SEPTIN2: variants seen among roughly 807,000 people sequenced by gnomAD.
The protein encoded by SEPTIN2 is septin-2.
SEPTIN2 carries 34 observed loss-of-function variants against 46.5 expected under a neutral mutation model. The ratio of observed to expected loss-of-function variants is 0.73; its 90% CI spans 0.56 to 0.97. The LOEUF (loss-of-function observed/expected upper bound fraction) is 0.97. SEPTIN2 is among the 50% of genes least tolerant of loss of function. SEPTIN2 has a pLI of 0.00. For missense variants in SEPTIN2, 347 were observed against 448.4 expected (o/e 0.77, Z 2.04); for synonymous variants, 175 against 153.4 (o/e 1.14, Z -1.04).
chr2:241,321,677 C>T (rs2077154172), intron 1 of SEPTIN2, among the ~76,000 whole-genome samples: 1 of 151,724 alleles, frequency 6.6e-6, no homozygotes. Flanking sequence ...TGAATTTTGT[C>T]CCCATTGTCT....
Position 241,326,100 on chromosome 2 carries a change from A to G in SEPTIN2, c.117A>G (p.Thr39=), listed in dbSNP as rs1365011174. The change falls in exon 3 of 13, where the codon ACA becomes ACG. Residue 39 remains threonine, a synonymous_variant. Transcript: ENST00000391971. The part of the protein sequence containing the change: ...RKSVKKGFEF[T]LMVVGESGLG... ...CAGTGAAAAAAGGTTTTGAGTTCAC[A>G]CTGATGGTGGTCGGTAAGAAATTAA... The G allele has an allele frequency of 1.2e-6, 2 of 1,612,522 alleles. No individual in the cohort carries two copies. Among genetic ancestry groups the G allele is most frequent in the South Asian group, 1.1e-5 (1 of 90,674 alleles).
chr2:241,336,235 A>G, intron 5 of SEPTIN2, 137 bp downstream of exon 5: 1 of 933,246 alleles, frequency 1.1e-6, no homozygotes, highest in Non-Finnish European at 1.6e-6. Flanking sequence ...AAAGCGTGTT[A>G]AATGTTGACT....
Position 241,332,029 on chromosome 2 carries a change from G to A in SEPTIN2, c.131-3097G>A, listed in dbSNP as rs565043416. 8.9e-4 allele frequency among the ~76,000 whole-genome samples: 136 copies of A among 152,212 alleles called. 1 individual carries two copies. The highest frequency in any genetic ancestry group is 2.5e-4 in the Non-Finnish European group (17 of 68,000). On this transcript the variant is annotated intron_variant, in intron 3 of 12. Coordinates refer to ENST00000391971, the MANE Select transcript of SEPTIN2 (RefSeq NM_004404.5). ...ACTAGATGATTATGTGTGAAAAAAT[G>A]AACTTCAACTCCTGCTTCACACTGT...
rs2076318236 is a variant in SEPTIN2, at chr2:241,316,619, G to A, written c.-18+637G>A. ...GGCCGCCGAGTTGGCCCGGGGATGA[G>A]GAGCAAACCTGTGGCTTCCGTGGTC... is the stretch of plus-strand genomic sequence containing the variant. On this transcript the variant is annotated intron_variant, in intron 1 of 12. Coordinates refer to ENST00000391971, the MANE Select transcript of SEPTIN2 (RefSeq NM_004404.5). The A allele has an allele frequency of 7.3e-6, 9 of 1,229,960 alleles. 1 individual carries two copies. Among genetic ancestry groups the A allele is most frequent in the African/African-American group, 1.6e-5 (1 of 64,170 alleles). The allele number at this position is 1,229,960 out of a possible 1,614,324, so 76.2% of individuals were successfully genotyped here. A position where few individuals can be genotyped will look rare whatever the true frequency, so the allele number is the denominator to read the frequency against.
At chr2:241,335,090 A>G (rs761955694) in intron 3 of SEPTIN2, 36 bp from the exon 4 acceptor site, 1 of 1,435,256 alleles carries the variant, frequency 7.0e-7, no homozygotes, top group Non-Finnish European at 9.8e-7. Flanking sequence ...TGTCATATGA[A>G]TAAGGTCATG....
Position 241,339,025 on chromosome 2 carries a change from T to C in SEPTIN2, c.594+1235T>C, listed in dbSNP as rs865891488. On this transcript the variant is annotated intron_variant, in intron 7 of 12. Coordinates refer to ENST00000391971, the MANE Select transcript of SEPTIN2 (RefSeq NM_004404.5). ...ATAAATATTATATTTATACATTATA[T>C]TTATATACATATTATATATACATTT... Among the ~76,000 whole-genome samples the C allele has an allele frequency of 1.3e-3, 159 of 118,064 alleles. 1 individual carries two copies. The highest frequency in any genetic ancestry group is 8.1e-3 in the Middle Eastern group (2 of 246). 77.5% of individuals were successfully genotyped at this position (118,064 alleles called of 152,430 possible).
At chr2:241,337,876 C>G in intron 7 of SEPTIN2, 86 bp downstream of exon 7, 1 of 913,508 alleles carries the variant, frequency 1.1e-6, no homozygotes. Context: ...CACGCTCAGT[C>G]TGCTCAGGTG....
chr2:241,345,747 T>C (rs2060170795), intron 9 of SEPTIN2, among the ~76,000 whole-genome samples: 2 of 152,234 alleles, frequency 1.3e-5, no homozygotes, highest in Admixed American at 1.3e-4. Context: ...GAGAGTAATA[T>C]ATAAATTTTG....
chr2:241,330,201 C>G (rs757076926), intron 3 of SEPTIN2, among the ~76,000 whole-genome samples: 1 of 152,058 alleles, frequency 6.6e-6, no homozygotes, highest in Admixed American at 6.6e-5. Flanking sequence ...TGATGCAACC[C>G]GTGTGTTTCT....
chr2:241,335,046 C>G, intron 3 of SEPTIN2, 80 bp from the exon 4 acceptor site: 2 of 920,070 alleles, frequency 2.2e-6, no homozygotes, highest in Non-Finnish European at 3.5e-6. Flanking sequence ...AGCCCAGTAC[C>G]AGGCCTTATG....
rs1033290908 is a variant in SEPTIN2, at chr2:241,315,972, C to T, written c.-28C>T. ...CGGTCGGTCGGCGCCTGTTCTCGGG[C>T]TGTTTGGCGGGTGAGTGTCTCGCCG... On this transcript the variant is annotated 5_prime_UTR_variant, in exon 1 of 13. Transcript: ENST00000391971. The T allele has an allele frequency of 6.6e-6, 1 of 152,444 alleles. No homozygotes were observed. Among genetic ancestry groups the T allele is most frequent in the African/African-American group, 2.4e-5 (1 of 41,450 alleles). 9.4% of individuals were successfully genotyped at this position (152,444 alleles called of 1,614,324 possible).
intron 10 of SEPTIN2, 23 bp downstream of exon 10, chr2:241,346,272 T>C (rs372937413): frequency 2.3e-5 from 36 of 1,599,284 alleles, no homozygotes; most frequent in Non-Finnish European, 3.1e-5. Context: ...TGCCCCTTTC[T>C]CTGTATTGTG....
At chr2:241,346,344 A>G in intron 10 of SEPTIN2, 95 bp downstream of exon 10, 2 of 846,078 alleles carry the variant, frequency 2.4e-6, no homozygotes, top group East Asian at 5.4e-5. Flanking sequence ...TTGACCATTA[A>G]GCAACATGGT....
intron 7 of SEPTIN2, among the ~76,000 whole-genome samples, chr2:241,339,974 T>C (rs1431449891): frequency 6.6e-6 from 1 of 152,230 alleles, no homozygotes; most frequent in Non-Finnish European, 1.5e-5. Context: ...CATAATAGAT[T>C]TGTTGCATAA....
chr2:241,336,312 A>T, intron 5 of SEPTIN2: 3 of 557,154 alleles, frequency 5.4e-6, no homozygotes, highest in Non-Finnish European at 9.4e-6. Context: ...GAGATCGCAA[A>T]GCCAGTCATC....
At chr2:241,332,286 G>T (rs1005129537) in intron 3 of SEPTIN2, among the ~76,000 whole-genome samples, 1 of 152,196 alleles carries the variant, frequency 6.6e-6, no homozygotes, top group Non-Finnish European at 1.5e-5. Flanking sequence ...TCTGACAAAG[G>T]ATATGTGTCC....
Position 241,350,168 on chromosome 2 carries a change from C to G in SEPTIN2, c.1080C>G (p.His360Gln), listed in dbSNP as rs756783698. Residue 360 changes from histidine (H) to glutamine (Q), a missense_variant, in exon 12 of 13, where the codon CAC becomes CAG. By Grantham distance (24) the His-to-Gln change is conservative (BLOSUM62 0). Transcript: ENST00000391971. ...GCGATGGCGGGGCTCTCGGGCACCA[C>G]GTGTAAGGTGATGTGCACATATCAA... ...GDGDGGALGH[H>Q]V The G allele has an allele frequency of 3.1e-6, 5 of 1,611,612 alleles. No individual in the cohort carries two copies. Among genetic ancestry groups the G allele is most frequent in the Non-Finnish European group, 4.2e-6 (5 of 1,178,692 alleles).
chr2:241,345,610 T>G (rs1201213680), intron 9 of SEPTIN2, among the ~76,000 whole-genome samples: 1 of 152,236 alleles, frequency 6.6e-6, no homozygotes, highest in East Asian at 1.9e-4. Context: ...AAAAAAATTT[T>G]TTAAGAGTGC....
chr2:241,328,792 G>A (rs928546660), intron 3 of SEPTIN2, among the ~76,000 whole-genome samples: 3 of 151,282 alleles, frequency 2.0e-5, no homozygotes, highest in East Asian at 4.0e-4. Context: ...GAGGCTAGGC[G>A]GGTGGATCAC....
Sources: allele counts gnomAD v4.1 joint callset (sites outside exome capture counted in the v4.1 genomes callset), GRCh38; gene constraint gnomAD v4.1.1; transcripts MANE v1.5; gene names NCBI Gene and HGNC (gene_info 2026-07-23, HGNC 2026-07-21).